SHISA6: variants seen among roughly 807,000 people sequenced by gnomAD.
SHISA6 encodes the protein protein shisa-6.
A neutral mutation model predicts 47.9 loss-of-function variants in SHISA6; 22 were observed. The observed-to-expected ratio is 0.46, with a 90% CI of 0.33 to 0.66. The LOEUF (loss-of-function observed/expected upper bound fraction) is 0.66. SHISA6 is among the 30% of genes least tolerant of loss of function. The probability of loss-of-function intolerance (pLI) is 0.02; values close to 1 mark genes in which losing one functional copy is unlikely to be tolerated. For missense variants in SHISA6, 680 were observed against 764.6 expected (o/e 0.89, Z 1.30); for synonymous variants, 388 against 337.8 (o/e 1.15, Z -1.63).
intron 3 of SHISA6, among the ~76,000 whole-genome samples, chr17:11,467,366 C>T (rs1915834123): frequency 6.6e-6 from 1 of 152,208 alleles, no homozygotes; most frequent in Non-Finnish European, 1.5e-5. Context: ...ATTTAAAGAT[C>T]ACCTCTAATT....
intron 2 of SHISA6, among the ~76,000 whole-genome samples, chr17:11,324,368 A>G (rs1336857109): frequency 6.6e-6 from 1 of 152,160 alleles, no homozygotes; most frequent in Non-Finnish European, 1.5e-5. Context: ...AGGAACTCGT[A>G]TTTATTTGTT....
intron 3 of SHISA6, among the ~76,000 whole-genome samples, chr17:11,538,498 G>A (rs2071806142): frequency 6.6e-6 from 1 of 152,178 alleles, no homozygotes; most frequent in Admixed American, 6.5e-5. Flanking sequence ...AAACCAGTCC[G>A]TGTGAGTCCC....
intron 3 of SHISA6, among the ~76,000 whole-genome samples, chr17:11,393,447 C>T (rs1213365670): frequency 6.6e-6 from 1 of 152,148 alleles, no homozygotes; most frequent in Admixed American, 6.5e-5. Flanking sequence ...CACCCTTCAC[C>T]CACATCCTGT....
At chr17:11,502,388 G>A (rs1416323760) in intron 3 of SHISA6, among the ~76,000 whole-genome samples, 3 of 112,430 alleles carry the variant, frequency 2.7e-5, no homozygotes, top group African/African-American at 7.1e-5. Context: ...CAGCCTGGGC[G>A]ACAGAGCGAG....
intron 2 of SHISA6, among the ~76,000 whole-genome samples, chr17:11,367,002 TAAG>T (rs1912474345): frequency 1.3e-5 from 2 of 152,234 alleles, no homozygotes; most frequent in Admixed American, 6.5e-5. Flanking sequence ...TTTATGGTGA[TAAG>T]AAGAACGGAA....
chr17:11,284,565 G>C (rs981085803), intron 2 of SHISA6, among the ~76,000 whole-genome samples: 2 of 152,202 alleles, frequency 1.3e-5, no homozygotes, highest in African/African-American at 2.4e-5. Flanking sequence ...GTAATTCACA[G>C]TGTCTGCCCC....
intron 3 of SHISA6, among the ~76,000 whole-genome samples, chr17:11,446,434 G>A (rs948021508): frequency 2.2e-4 from 34 of 152,178 alleles, no homozygotes; most frequent in Middle Eastern, 3.2e-3. Flanking sequence ...TGGCCCTGCC[G>A]CCTCTGGCTG....
intron 2 of SHISA6, among the ~76,000 whole-genome samples, chr17:11,297,125 G>C (rs1457796359): frequency 6.6e-6 from 1 of 152,186 alleles, no homozygotes; most frequent in East Asian, 1.9e-4. Flanking sequence ...GGTGCTGGGG[G>C]CATATGGAAT....
chr17:11,354,385 A>G (rs10468468), intron 2 of SHISA6, among the ~76,000 whole-genome samples: 74,579 of 151,824 alleles, frequency 0.49, 18,546 homozygotes, highest in Middle Eastern at 0.54. Flanking sequence ...TCTCCCTTCT[A>G]CACACTCTGC....
chr17:11,386,789 G>A (rs1913210404), intron 3 of SHISA6, among the ~76,000 whole-genome samples: 1 of 152,202 alleles, frequency 6.6e-6, no homozygotes, highest in Non-Finnish European at 1.5e-5. Context: ...AGGCAAGTGG[G>A]TGTATGTGAT....
intron 3 of SHISA6, among the ~76,000 whole-genome samples, chr17:11,452,730 C>G (rs1915433928): frequency 6.9e-6 from 1 of 145,898 alleles, no homozygotes; most frequent in Admixed American, 6.9e-5. Context: ...CCTCTCTTCC[C>G]CTCCTCCTCC....
chr17:11,331,407 A>C (rs1167338879), intron 2 of SHISA6, among the ~76,000 whole-genome samples: 1 of 152,200 alleles, frequency 6.6e-6, no homozygotes, highest in African/African-American at 2.4e-5. Context: ...TCTGAAGTCC[A>C]ATTAAATAGG....
intron 2 of SHISA6, among the ~76,000 whole-genome samples, chr17:11,292,821 T>C (rs1032561287): frequency 1.6e-4 from 22 of 141,872 alleles, no homozygotes; most frequent in African/African-American, 3.1e-4. Context: ...CACAATCAGA[T>C]TGATTTTTTT....
chr17:11,301,410 C>T (rs1240178458), intron 2 of SHISA6, among the ~76,000 whole-genome samples: 3 of 152,136 alleles, frequency 2.0e-5, no homozygotes, highest in Non-Finnish European at 4.4e-5. Flanking sequence ...TCTTTGGGGG[C>T]TCCGGGCTTT....
At chr17:11,287,311 G>GTT (rs1369994126) in intron 2 of SHISA6, among the ~76,000 whole-genome samples, 1 of 148,134 alleles carries the variant, frequency 6.8e-6, no homozygotes, top group Admixed American at 6.7e-5. Context: ...GGAAGGAAGG[G>GTT]AAGCTACTCA....
intron 3 of SHISA6, among the ~76,000 whole-genome samples, chr17:11,537,598 C>T (rs754714011): frequency 3.9e-5 from 6 of 152,162 alleles, no homozygotes; most frequent in Non-Finnish European, 7.3e-5. Flanking sequence ...TGGCTACAGG[C>T]CCAGAATATC....
intron 3 of SHISA6, among the ~76,000 whole-genome samples, chr17:11,530,464 A>T (rs934521078): frequency 6.6e-6 from 1 of 152,086 alleles, no homozygotes; most frequent in African/African-American, 2.4e-5. Context: ...TTTTTTGTTC[A>T]ATTTTACTTT....
chr17:11,370,418 C>T (rs1016004840), intron 2 of SHISA6, among the ~76,000 whole-genome samples: 1 of 152,162 alleles, frequency 6.6e-6, no homozygotes, highest in Non-Finnish European at 1.5e-5. Flanking sequence ...CCCATATTTA[C>T]GTTTTTGTTT....
Position 11,270,844 on chromosome 17 carries a change from G to A in SHISA6, c.799+7318G>A, listed in dbSNP as rs1433281644. 3.3e-5 allele frequency among the ~76,000 whole-genome samples: 5 copies of A among 152,316 alleles called. No individual in the cohort carries two copies. The East Asian group carries it at 9.7e-4, about 29-fold the overall frequency. ...CGTCCTTCTCTGGGATCCCATAGGGGAATGGATGGCAAACACAGAGCTGTG... is the reference window on the plus strand; with the variant it reads ...CGTCCTTCTCTGGGATCCCATAGGGAAATGGATGGCAAACACAGAGCTGTG... On this transcript the variant is annotated intron_variant, in intron 2 of 5. Coordinates refer to ENST00000441885, the MANE Select transcript of SHISA6 (RefSeq NM_207386.4).
Sources: allele counts gnomAD v4.1 joint callset (sites outside exome capture counted in the v4.1 genomes callset), GRCh38; gene constraint gnomAD v4.1.1; transcripts MANE v1.5; gene names NCBI Gene and HGNC (gene_info 2026-07-23, HGNC 2026-07-21).